GRK1: variants seen among roughly 807,000 people sequenced by gnomAD.
GRK1 encodes rhodopsin kinase GRK1.
In GRK1, 28 loss-of-function variants were observed where a neutral mutation model predicts 41.7. The observed-to-expected ratio is 0.67, with a 90% CI of 0.50 to 0.92. GRK1 has a LOEUF of 0.92. Ranked by LOEUF, GRK1 falls within the 40% of genes least tolerant of loss-of-function variation. The pLI is 0.00. For missense variants in GRK1, 703 were observed against 671.2 expected, an observed-to-expected ratio of 1.05 and a Z score of -0.52; for synonymous variants, 327 against 286.7, an observed-to-expected ratio of 1.14 and a Z score of -1.42.
rs372061074 is a variant in GRK1, at chr13:113,668,018, C to T, written c.632C>T (p.Ala211Val). The change falls in exon 1 of 7, where the codon GCG (alanine) becomes GTG (valine). Residue 211 changes from alanine (A) to valine (V), a missense_variant. Coordinates refer to ENST00000335678, the MANE Select transcript of GRK1 (RefSeq NM_002929.3). The stretch of plus-strand genomic sequence containing the variant: ...GAGGTGTCGGCCTGCCAGATGAAGG[C>T]GACCGGCAAGCTGTATGCCTGCAAG... ...FGEVSACQMK[A>V]TGKLYACKKL... 9.3e-6 allele frequency: 15 copies of T among 1,611,470 alleles called. No homozygotes were observed. Among genetic ancestry groups the T allele is most frequent in the South Asian group, 4.4e-5 (4 of 90,668 alleles).
At chr13:113,664,015 T>C (rs11840113), upstream of GRK1, among the ~76,000 whole-genome samples, 4,086 of 152,224 alleles carry the variant, frequency 0.027, 190 homozygotes, top group African/African-American at 0.091. This position sits in a 1 kb window ranked among gnomAD's most constrained non-coding sequence, Gnocchi z 5.4. Flanking sequence ...CTGGAAACGA[T>C]CCAGCCGTCC....
At chr13:113,723,573 T>A (rs566208343) in intron 4 of GRK1, among the ~76,000 whole-genome samples, 1 of 152,262 alleles carries the variant, frequency 6.6e-6, no homozygotes, top group African/African-American at 2.4e-5. Context: ...TACATTCTTT[T>A]GAGTTTCTGA....
chr13:113,650,505 G>C, the GRK1 span: 30 of 1,610,640 alleles, frequency 1.9e-5, no homozygotes, highest in African/African-American at 2.4e-4. This position sits in a 1 kb window ranked among gnomAD's most constrained non-coding sequence, Gnocchi z 5.0. Flanking sequence ...CGCGGGGCTG[G>C]TCCTGGGGAG....
At chr13:113,734,038 G>A (rs1312279527) in intron 6 of GRK1, among the ~76,000 whole-genome samples, 1 of 137,080 alleles carries the variant, frequency 7.3e-6, no homozygotes, top group African/African-American at 3.4e-5. Context: ...GTGTGCGTAT[G>A]TGTGTGTGCA....
the GRK1 span, chr13:113,653,000 C>T: frequency 9.2e-5 from 149 of 1,614,122 alleles, no homozygotes; most frequent in East Asian, 3.8e-4. Flanking sequence ...GTTGGGAGCG[C>T]GGAAACTCTC....
Position 113,671,439 on chromosome 13 carries a change from T to G in GRK1, c.828-60T>G. The stretch of plus-strand genomic sequence containing the variant: ...TGGTTCTGAGGCCCCAGCTCTGTCT[T>G]TCCATGATTTTACTCCCCATTAAAC... On this transcript the variant is annotated intron_variant, in intron 2 of 6. Coordinates refer to ENST00000335678, the MANE Select transcript of GRK1 (RefSeq NM_002929.3). The surrounding 1 kb of genome is among the most constrained non-coding windows in gnomAD (Gnocchi z 4.1). 3 of 770,868 alleles carry G rather than the reference T, an allele frequency of 3.9e-6. No homozygotes were observed. Among genetic ancestry groups the G allele is most frequent in the Non-Finnish European group, 7.2e-6 (3 of 416,724 alleles). The allele number at this position is 770,868 out of a possible 1,614,324, so 47.8% of individuals were successfully genotyped here. A position where few individuals can be genotyped will look rare whatever the true frequency, so the allele number is the denominator to read the frequency against.
chr13:113,665,813 T>C (rs74866975), upstream of GRK1, among the ~76,000 whole-genome samples: 843 of 125,168 alleles, frequency 6.7e-3, 5 homozygotes, highest in African/African-American at 0.024. Context: ...TCCCAAGTGT[T>C]CCCCAACTGC....
chr13:113,733,997 T>C (rs2049980393), intron 6 of GRK1, among the ~76,000 whole-genome samples: 1 of 140,042 alleles, frequency 7.1e-6, no homozygotes, highest in Non-Finnish European at 1.5e-5. Context: ...TGCATACATG[T>C]GTGTGCGTGT....
the GRK1 span, among the ~76,000 whole-genome samples, chr13:113,655,725 C>G: frequency 6.6e-6 from 1 of 152,190 alleles, no homozygotes; most frequent in Non-Finnish European, 1.5e-5. Context: ...CGGCTTTTGT[C>G]TTTCTGGAAA....
chr13:113,655,552 C>T, the GRK1 span, among the ~76,000 whole-genome samples: 30 of 152,320 alleles, frequency 2.0e-4, no homozygotes, highest in Non-Finnish European at 3.4e-4. Flanking sequence ...TCCCCTGCAG[C>T]GTCAGAACCT....
chr13:113,654,737 C>T, the GRK1 span: 2 of 1,528,008 alleles, frequency 1.3e-6, no homozygotes, highest in Non-Finnish European at 1.8e-6. Context: ...GGCACGGGTC[C>T]CCCGGGCGTC....
the GRK1 span, among the ~76,000 whole-genome samples, chr13:113,648,283 G>T: frequency 2.6e-5 from 4 of 152,244 alleles, no homozygotes; most frequent in African/African-American, 9.6e-5. Context: ...TATCTGCAAG[G>T]TTTTTAATCT....
intron 4 of GRK1, among the ~76,000 whole-genome samples, chr13:113,723,440 G>T (rs1013390596): frequency 1.3e-5 from 2 of 151,970 alleles, no homozygotes; most frequent in Admixed American, 1.3e-4. Context: ...TCGCCGCACA[G>T]TTTGGTTTTA....
At chr13:113,652,832 C>T in the GRK1 span, 21 of 1,605,926 alleles carry the variant, frequency 1.3e-5, 1 homozygote, top group Admixed American at 2.4e-4. Context: ...GCCCTGACTG[C>T]ACTGTTGTAG....
At position 113,731,076 on chromosome 13, in the gene GRK1, C is replaced by T. The variant is rs1346000199; in HGVS notation, c.1070-143C>T. On this transcript the variant is annotated intron_variant, in intron 4 of 6. Coordinates refer to ENST00000335678, the MANE Select transcript of GRK1 (RefSeq NM_002929.3). The surrounding 1 kb of genome is among the most constrained non-coding windows in gnomAD (Gnocchi z 5.6). ...AGTAACACACAGGGCAGCCCCTCCA[C>T]AAAGGATTTTCTGGCCCCAAATGTG... 8.8e-6 allele frequency: 11 copies of T among 1,249,666 alleles called. No individual in the cohort carries two copies. The highest frequency in any genetic ancestry group is 7.6e-6 in the Non-Finnish European group (7 of 924,884). The allele number at this position is 1,249,666 out of a possible 1,614,324, so 77.4% of individuals were successfully genotyped here.
At chr13:113,733,824 T>C (rs1387494782) in intron 6 of GRK1, among the ~76,000 whole-genome samples, 13 of 136,712 alleles carry the variant, frequency 9.5e-5, no homozygotes, top group South Asian at 5.3e-4. Flanking sequence ...CGTGTGTGCG[T>C]GTGTGTGCAC....
At chr13:113,665,023 G>A (rs985323459), upstream of GRK1, among the ~76,000 whole-genome samples, 4 of 152,162 alleles carry the variant, frequency 2.6e-5, no homozygotes, top group Admixed American at 6.5e-5. Flanking sequence ...TGGGGACGTC[G>A]GCTCGGTCTG....
chr13:113,725,314 G>C (rs570866085), intron 4 of GRK1, among the ~76,000 whole-genome samples: 4 of 149,818 alleles, frequency 2.7e-5, no homozygotes, highest in Non-Finnish European at 5.9e-5. Flanking sequence ...TTGAGGTCAG[G>C]GGCGGGATCC....
At chr13:113,725,137 C>A (rs1338962451) in intron 4 of GRK1, among the ~76,000 whole-genome samples, 3 of 152,002 alleles carry the variant, frequency 2.0e-5, no homozygotes, top group Non-Finnish European at 4.4e-5. Flanking sequence ...TCAGCAAAGC[C>A]GCAGGGTCCG....
Sources: gnomAD v4.1 joint callset for allele counts (sites outside exome capture counted in the v4.1 genomes callset) on GRCh38, gnomAD v4.1.1 for gene constraint, Gnocchi (gnomAD v3.1) non-coding constraint, MANE v1.5 for transcripts, NCBI Gene and HGNC (gene_info 2026-07-23, HGNC 2026-07-21) for gene names.